The following MYRFL variants were observed in gnomAD, a reference collection of about 807,000 sequenced individuals.
The protein encoded by MYRFL is myelin regulatory factor like, also known as myelin regulatory factor-like protein.
In MYRFL, 88 loss-of-function variants were observed where a neutral mutation model predicts 109.4. The ratio of observed to expected loss-of-function variants is 0.80; its 90% confidence interval spans 0.68 to 0.96. The LOEUF is 0.96. Ranked by LOEUF, MYRFL falls within the 40% of genes least tolerant of loss-of-function variation. The pLI is 0.00. For synonymous variants in MYRFL, 324 were observed against 320.9 expected (o/e 1.01, Z -0.10); for missense variants, 957 against 954.9 (o/e 1.00, Z -0.03).
intron 15 of MYRFL, among the ~76,000 whole-genome samples, chr12:69,929,043 C>T (rs1955188163): frequency 1.3e-5 from 2 of 152,172 alleles, no homozygotes; most frequent in Admixed American, 6.5e-5. Flanking sequence ...TCCTCACTCT[C>T]ATGTCACTAG....
intron 10 of MYRFL, among the ~76,000 whole-genome samples, chr12:69,898,932 C>T (rs1486190235): frequency 1.3e-5 from 2 of 152,174 alleles, no homozygotes; most frequent in African/African-American, 4.8e-5. Flanking sequence ...TCCTCAAATC[C>T]AAAGCACAAT....
At position 69,880,951 on chromosome 12, in the gene MYRFL, G is replaced by GGTTTTTTTTTTTTT. The variant is rs1555246956; in HGVS notation, c.556+659_556+660insGTTTTTTTTTTTTT. ...TAATGTCCAAGCGGTCAGCCTTCCT[G>GGTTTTTTTTTTTTT]TTTTTTTTTTTTTTTTTTGTCTTAT... On this transcript the variant is annotated intron_variant, in intron 5 of 24. Transcript: ENST00000552032. 2.4e-3 allele frequency among the ~76,000 whole-genome samples: 268 copies of GGTTTTTTTTTTTTT among 112,636 alleles called. 4 individuals carry two copies. Among genetic ancestry groups the GGTTTTTTTTTTTTT allele is most frequent in the Non-Finnish European group, 3.6e-3 (199 of 55,768 alleles). 73.9% of individuals were successfully genotyped at this position (112,636 alleles called of 152,430 possible). A position where few individuals can be genotyped will look rare whatever the true frequency, so the allele number is the denominator to read the frequency against.
At chr12:69,917,341 G>A in intron 13 of MYRFL, among the ~76,000 whole-genome samples, 1 of 150,570 alleles carries the variant, frequency 6.6e-6, no homozygotes, top group African/African-American at 2.4e-5. Flanking sequence ...GCAGCCTGGA[G>A]GGTATTTGTC....
At chr12:69,827,042 A>G (rs1178640022) in intron 1 of MYRFL, among the ~76,000 whole-genome samples, 1 of 152,044 alleles carries the variant, frequency 6.6e-6, no homozygotes, top group Non-Finnish European at 1.5e-5. Context: ...TCTGAGCTAT[A>G]CCCTCTCCTT....
intron 5 of MYRFL, 31 bp downstream of exon 5, chr12:69,880,323 T>G (rs528502714): frequency 1.4e-6 from 1 of 698,722 alleles, no homozygotes; most frequent in African/African-American, 1.8e-5. Flanking sequence ...ACAAGGGCGA[T>G]GCCATCAAAG....
At chr12:69,847,237 ATTC>A (rs1255001917) in intron 1 of MYRFL, among the ~76,000 whole-genome samples, 3 of 152,098 alleles carry the variant, frequency 2.0e-5, no homozygotes, top group South Asian at 2.1e-4. Flanking sequence ...GTGCTAATGT[ATTC>A]TTCTGCTCAG....
At position 69,885,288 on chromosome 12, in the gene MYRFL, A is replaced by C. The variant is rs539933958; in HGVS notation, c.557-1532A>C. Among the ~76,000 whole-genome samples the C allele has an allele frequency of 2.0e-5, 3 of 152,124 alleles. No individual in the cohort carries two copies. In the East Asian group the frequency reaches 5.8e-4, roughly 29 times the overall value. On this transcript the variant is annotated intron_variant, in intron 5 of 24. Coordinates refer to ENST00000552032, the MANE Select transcript of MYRFL (RefSeq NM_182530.3). ...AAAAAATGCATATTTTGCTTAAGTG[A>C]CATTTAATAGCAATACCCCAAGAGA... is the stretch of plus-strand genomic sequence containing the variant.
At chr12:69,906,418 G>A (rs1269607253) in intron 11 of MYRFL, among the ~76,000 whole-genome samples, 1 of 152,112 alleles carries the variant, frequency 6.6e-6, no homozygotes, top group East Asian at 1.9e-4. Flanking sequence ...GCAAAACTAG[G>A]GGGGAAGGAC....
At chr12:69,876,605 T>C (rs1885678920) in intron 2 of MYRFL, among the ~76,000 whole-genome samples, 1 of 152,248 alleles carries the variant, frequency 6.6e-6, no homozygotes, top group South Asian at 2.1e-4. Flanking sequence ...GTTTAAAAAG[T>C]TCTGTGTGCA....
intron 13 of MYRFL, among the ~76,000 whole-genome samples, chr12:69,914,600 A>T (rs1954675092): frequency 6.6e-6 from 1 of 152,144 alleles, no homozygotes; most frequent in Admixed American, 6.5e-5. Context: ...AGTTGAGTTG[A>T]TTGGGAATAG....
intron 21 of MYRFL, 73 bp downstream of exon 21, chr12:69,952,959 G>C: frequency 1.0e-6 from 1 of 954,330 alleles, no homozygotes; most frequent in Non-Finnish European, 1.6e-6. Flanking sequence ...TAAGACTGCA[G>C]TGGAAGCTAA....
chr12:69,891,682 T>TTTCTTTCTTTCTTTCTTTCA (rs1277296623), intron 7 of MYRFL, among the ~76,000 whole-genome samples: 3 of 101,474 alleles, frequency 3.0e-5, no homozygotes, highest in Non-Finnish European at 5.8e-5. Flanking sequence ...TCTTTCTTTC[T>TTTCTTTCTTTCTTTCTTTCA]TTCGTTCGTT....
At chr12:69,839,920 G>A (rs563871629) in intron 1 of MYRFL, among the ~76,000 whole-genome samples, 2 of 152,200 alleles carry the variant, frequency 1.3e-5, no homozygotes, top group East Asian at 1.9e-4. Flanking sequence ...ATGCATAGAG[G>A]AACAGGAATT....
At position 69,879,080 on chromosome 12, in the gene MYRFL, C is replaced by T. The variant is rs778187766; in HGVS notation, c.190C>T (p.Pro64Ser). The change falls in exon 3 of 25, where the codon CCT (proline) becomes TCT (serine). Residue 64 changes from proline to serine, a missense_variant. By Grantham distance (74) the Pro-to-Ser change is moderately conservative. Transcript: ENST00000552032. Reference sequence around the variant, plus strand: ...CTATTCTGCATCCGACTCATGCTCTCCTCCGCAGGTCAAAGGTGAGTGCGA... The same window carrying T: ...CTATTCTGCATCCGACTCATGCTCTTCTCCGCAGGTCAAAGGTGAGTGCGA... ...PPYSASDSCS[P>S]PQVKGACYPT... The T allele has an allele frequency of 2.8e-6, 2 of 702,922 alleles. No homozygotes were observed. The highest frequency in any genetic ancestry group is 3.0e-5 in the South Asian group (2 of 67,600). 43.5% of individuals were successfully genotyped at this position (702,922 alleles called of 1,614,324 possible). A position where few individuals can be genotyped will look rare whatever the true frequency, so the allele number is the denominator to read the frequency against.
intron 1 of MYRFL, among the ~76,000 whole-genome samples, chr12:69,848,667 A>G (rs926779016): frequency 6.6e-6 from 1 of 152,202 alleles, no homozygotes; most frequent in African/African-American, 2.4e-5. Context: ...AGTTTAAAAT[A>G]TATGTCATAT....
In MYRFL at chr12:69,855,286, G is replaced by C; in HGVS notation, c.53G>C (p.Gly18Ala). The C allele has an allele frequency of 1.4e-6, 1 of 701,670 alleles. No homozygotes were observed. The highest frequency in any genetic ancestry group is 1.5e-5 in the South Asian group (1 of 67,364). The allele number at this position is 701,670 out of a possible 1,614,324, so 43.5% of individuals were successfully genotyped here. A position where few individuals can be genotyped will look rare whatever the true frequency, so the allele number is the denominator to read the frequency against. Residue 18 changes from glycine to alanine, a missense_variant, in exon 2 of 25, where the codon GGA becomes GCA. Transcript: ENST00000552032. ...EALQQFFEAQ[G>A]ANGTLENPAL... ...TTTCAATTTGCCTTTGCAGCTCAGG[G>C]AGCCAATGGTACTCTGGAGAACCCA...
intron 1 of MYRFL, among the ~76,000 whole-genome samples, chr12:69,834,097 A>G (rs1417675600): frequency 6.6e-6 from 1 of 152,174 alleles, no homozygotes; most frequent in African/African-American, 2.4e-5. Context: ...ACAAAAATAT[A>G]CAGAGGAAAG....
intron 1 of MYRFL, among the ~76,000 whole-genome samples, chr12:69,840,129 C>T (rs1455374981): frequency 6.6e-6 from 1 of 152,176 alleles, no homozygotes; most frequent in African/African-American, 2.4e-5. Flanking sequence ...AAATCTCATC[C>T]TGCCAAAGTC....
rs555176326 is a variant in MYRFL at position 69,844,409 on chromosome 12, G to C, written c.47-10871G>C. Among the ~76,000 whole-genome samples, 338 of 152,258 alleles carry C rather than the reference G, an allele frequency of 2.2e-3. 3 individuals carry two copies. The highest frequency in any genetic ancestry group is 7.7e-3 in the African/African-American group (321 of 41,538). On this transcript the variant is annotated intron_variant, in intron 1 of 24. Transcript: ENST00000552032. ...AATTGTGTGGCGGGTGTGGAGGGGAGAGTGAAGGGTGCCATATAAAGCAGA... is the reference window on the plus strand; with the variant it reads ...AATTGTGTGGCGGGTGTGGAGGGGACAGTGAAGGGTGCCATATAAAGCAGA...
Sources: gnomAD v4.1 joint callset for allele counts (sites outside exome capture counted in the v4.1 genomes callset) on GRCh38, gnomAD v4.1.1 for gene constraint, MANE v1.5 for transcripts, NCBI Gene and HGNC (gene_info 2026-07-23, HGNC 2026-07-21) for gene names.